The following MMS22L variants were observed in gnomAD, a reference collection of about 807,000 sequenced individuals.
The protein encoded by MMS22L is MMS22 like, DNA repair protein, also known as protein MMS22-like.
In MMS22L, 74 loss-of-function variants were observed where a neutral mutation model predicts 159.1. That is an observed-to-expected ratio of 0.47 (90% CI 0.39 to 0.56). MMS22L has a LOEUF of 0.56. Among genes scored for constraint, MMS22L ranks in the 20% least tolerant of loss-of-function variants. The probability of loss-of-function intolerance (pLI) is 0.00; values close to 1 mark genes in which losing one functional copy is unlikely to be tolerated. For synonymous variants in MMS22L, 517 were observed against 506.9 expected, an observed-to-expected ratio of 1.02 and a Z score of -0.27; for missense variants, 1,351 against 1,422.1, an observed-to-expected ratio of 0.95 and a Z score of 0.80.
intron 12 of MMS22L, 22 bp from the exon 13 acceptor site, chr6:97,231,674 ATAGAAAACAAT>A (rs1378579105): frequency 6.7e-7 from 1 of 1,496,900 alleles, no homozygotes; most frequent in Non-Finnish European, 9.2e-7. Context: ...GAAAAAAAAG[ATAGAAAACAAT>A]TATTAGTCTC....
At chr6:97,150,332 T>C (rs1801195074) in intron 23 of MMS22L, among the ~76,000 whole-genome samples, 1 of 152,102 alleles carries the variant, frequency 6.6e-6, no homozygotes, top group Non-Finnish European at 1.5e-5. Context: ...TTCTACATAT[T>C]GAATCTGAGT....
At chr6:97,213,398 C>T (rs1396909802) in intron 14 of MMS22L, among the ~76,000 whole-genome samples, 3 of 151,988 alleles carry the variant, frequency 2.0e-5, no homozygotes, top group Non-Finnish European at 4.4e-5. Context: ...AAGAGCAAAA[C>T]TCCACCTCAA....
Position 97,162,354 on chromosome 6 carries a change from T to G in MMS22L, c.3222-189A>C, listed in dbSNP as rs9374385. On this transcript the variant is annotated intron_variant, in intron 21 of 24. Coordinates refer to ENST00000683635, the MANE Select transcript of MMS22L (RefSeq NM_001350599.2). ...TTTAGAAGCAATGACTGACTGTATA[T>G]CTTTCTGGTGTGTTCTGAGGGCCAA... Among the ~76,000 whole-genome samples, 287 of 152,158 alleles carry G rather than the reference T, an allele frequency of 1.9e-3. 7 individuals carry two copies. In the East Asian group the frequency reaches 0.052, roughly 28 times the overall value.
At position 97,180,667 on chromosome 6, in the gene MMS22L, C is replaced by T. The variant is rs983636142; in HGVS notation, c.2385-1108G>A. On this transcript the variant is annotated intron_variant, in intron 16 of 24. Coordinates refer to ENST00000683635, the MANE Select transcript of MMS22L (RefSeq NM_001350599.2). ...TCAGTTTCTTCAAATGTTACTAATACGCTAACAATATCATTTTTTAAGTAG... is the reference window on the plus strand; with the variant it reads ...TCAGTTTCTTCAAATGTTACTAATATGCTAACAATATCATTTTTTAAGTAG... Among the ~76,000 whole-genome samples the T allele has an allele frequency of 3.9e-5, 6 of 152,088 alleles. No homozygotes were observed. In the South Asian group the frequency reaches 6.2e-4, roughly 16 times the overall value.
At chr6:97,199,026 A>G (rs1322274135) in intron 14 of MMS22L, among the ~76,000 whole-genome samples, 1 of 152,102 alleles carries the variant, frequency 6.6e-6, no homozygotes, top group Non-Finnish European at 1.5e-5. Context: ...TATCCTCTAA[A>G]AACTAGCTTA....
intron 14 of MMS22L, among the ~76,000 whole-genome samples, chr6:97,203,582 A>G (rs1807416756): frequency 6.6e-6 from 1 of 152,192 alleles, no homozygotes; most frequent in Non-Finnish European, 1.5e-5. Context: ...ACCTGAGCTG[A>G]TCCTCCTGTC....
At chr6:97,163,606 A>T (rs1802666992) in intron 21 of MMS22L, among the ~76,000 whole-genome samples, 3 of 152,124 alleles carry the variant, frequency 2.0e-5, no homozygotes, top group Admixed American at 2.0e-4. Flanking sequence ...TACTATAATT[A>T]CTTATGCAAT....
chr6:97,252,542 G>A (rs979079121), intron 10 of MMS22L, among the ~76,000 whole-genome samples: 1 of 151,770 alleles, frequency 6.6e-6, no homozygotes, highest in African/African-American at 2.4e-5. Context: ...CTACTCGGGA[G>A]GCTGAGGCAG....
At chr6:97,238,310 G>A (rs114716085) in intron 11 of MMS22L, among the ~76,000 whole-genome samples, 1,665 of 152,284 alleles carry the variant, frequency 0.011, 30 homozygotes, top group African/African-American at 0.038. Flanking sequence ...TTACTCTTCT[G>A]ATGATCAAAT....
intron 14 of MMS22L, among the ~76,000 whole-genome samples, chr6:97,216,214 A>G (rs1209532858): frequency 6.6e-6 from 1 of 152,184 alleles, no homozygotes; most frequent in Non-Finnish European, 1.5e-5. Context: ...GCTTTAGGGT[A>G]ACAGTAAGAT....
intron 11 of MMS22L, among the ~76,000 whole-genome samples, chr6:97,236,684 G>A (rs902298054): frequency 6.6e-6 from 1 of 151,918 alleles, no homozygotes; most frequent in Non-Finnish European, 1.5e-5. Context: ...GGGCACGGTG[G>A]CTCACACCTG....
intron 22 of MMS22L, among the ~76,000 whole-genome samples, chr6:97,157,308 A>G: frequency 6.6e-6 from 1 of 152,142 alleles, no homozygotes; most frequent in Non-Finnish European, 1.5e-5. Context: ...AATACGCTTT[A>G]TGGCTTTCTC....
rs552759488 is a variant in MMS22L at position 97,203,126 on chromosome 6, C to T, written c.2040-16436G>A. ...AGACTTAAGCATTTAACTTGGAATG[C>T]CTAGCAAGATCTTTTAAGCTGTTTT... On this transcript the variant is annotated intron_variant, in intron 14 of 24. Transcript: ENST00000683635. Among the ~76,000 whole-genome samples, 17 of 152,226 alleles carry T rather than the reference C, an allele frequency of 1.1e-4. 2 individuals carry two copies. The South Asian group carries it at 3.5e-3, about 32-fold the overall frequency.
chr6:97,185,873 C>T (rs1805172745), intron 15 of MMS22L, among the ~76,000 whole-genome samples: 1 of 152,020 alleles, frequency 6.6e-6, no homozygotes, highest in South Asian at 2.1e-4. Flanking sequence ...ATATTTTGAG[C>T]AAAATACCCC....
intron 8 of MMS22L, chr6:97,265,834 G>T (rs898477962): frequency 6.6e-6 from 1 of 151,434 alleles, no homozygotes; most frequent in Admixed American, 6.6e-5. Flanking sequence ...CAATTCTCCC[G>T]CCTCAGCCTC....
chr6:97,215,702 C>T (rs1169407280), intron 14 of MMS22L, among the ~76,000 whole-genome samples: 2 of 152,208 alleles, frequency 1.3e-5, no homozygotes, highest in South Asian at 2.1e-4. Context: ...ATTCATCTTC[C>T]ACCCGCTGGC....
At chr6:97,148,008 TTA>T (rs1351612050) in intron 24 of MMS22L, among the ~76,000 whole-genome samples, 1 of 152,192 alleles carries the variant, frequency 6.6e-6, no homozygotes, top group Non-Finnish European at 1.5e-5. Context: ...ATGCATATGA[TTA>T]TAGTCATGCA....
intron 8 of MMS22L, 63 bp downstream of exon 8, chr6:97,267,809 G>A (rs531518271): frequency 3.1e-5 from 41 of 1,339,558 alleles, no homozygotes; most frequent in South Asian, 1.3e-4. Context: ...CAGATTAAAC[G>A]ACATGCATTA....
At chr6:97,195,514 T>C (rs971717848) in intron 14 of MMS22L, among the ~76,000 whole-genome samples, 7 of 152,168 alleles carry the variant, frequency 4.6e-5, no homozygotes, top group East Asian at 1.9e-4. Flanking sequence ...TATAGTAGCA[T>C]TGGAAGGCAA....
Sources: gnomAD v4.1 joint callset for allele counts (sites outside exome capture counted in the v4.1 genomes callset) on GRCh38, gnomAD v4.1.1 for gene constraint, MANE v1.5 for transcripts, NCBI Gene and HGNC (gene_info 2026-07-23, HGNC 2026-07-21) for gene names.